Variants in L3MBTL4 observed in about 807,000 individuals in gnomAD.
L3MBTL4 encodes lethal(3)malignant brain tumor-like protein 4.
In L3MBTL4, 70 loss-of-function variants were observed where a neutral mutation model predicts 84.5. That is an observed-to-expected ratio of 0.83 (90% CI 0.68 to 1.01). The LOEUF (loss-of-function observed/expected upper bound fraction) is 1.01, where lower values mean the gene tolerates loss of function less well. Ranked by LOEUF, L3MBTL4 falls within the 50% of genes least tolerant of loss-of-function variation. L3MBTL4 has a pLI of 0.00. For missense variants in L3MBTL4, 715 were observed against 754.8 expected, an observed-to-expected ratio of 0.95 and a Z score of 0.62; for synonymous variants, 274 against 259.8, an observed-to-expected ratio of 1.05 and a Z score of -0.52.
intron 5 of L3MBTL4, chr18:6,260,534 C>T (rs950035864): frequency 2.6e-5 from 4 of 152,046 alleles, no homozygotes; most frequent in African/African-American, 9.7e-5. Flanking sequence ...ATATTTTTCT[C>T]TGTGTGTGCC....
chr18:6,145,009 T>G (rs2042587767), intron 13 of L3MBTL4, among the ~76,000 whole-genome samples: 1 of 152,218 alleles, frequency 6.6e-6, no homozygotes, highest in African/African-American at 2.4e-5. Flanking sequence ...CTCTATGGTT[T>G]AATTTTTGTG....
At chr18:6,192,891 A>G (rs1193687943) in intron 12 of L3MBTL4, among the ~76,000 whole-genome samples, 1 of 152,098 alleles carries the variant, frequency 6.6e-6, no homozygotes, top group Non-Finnish European at 1.5e-5. Flanking sequence ...TGATCCAATT[A>G]TATCTATTGT....
At chr18:6,086,059 T>C (rs1166052666) in intron 15 of L3MBTL4, among the ~76,000 whole-genome samples, 1 of 152,250 alleles carries the variant, frequency 6.6e-6, no homozygotes, top group African/African-American at 2.4e-5. Flanking sequence ...GTTTTTATTT[T>C]CTTCTTTCTA....
At chr18:6,252,141 G>A (rs933649455) in intron 5 of L3MBTL4, among the ~76,000 whole-genome samples, 3 of 152,056 alleles carry the variant, frequency 2.0e-5, no homozygotes, top group South Asian at 2.1e-4. Context: ...GCTAAACCCC[G>A]TCTCTACTAA....
At position 6,173,259 on chromosome 18, in the gene L3MBTL4, C is replaced by T. The variant is rs148778821; in HGVS notation, c.982-1317G>A. ...ACTGGACATATGCAGGGAATATTTT[C>T]GGACATCGGACAATAGGCAGCACAG... On this transcript the variant is annotated intron_variant, in intron 12 of 18. Coordinates refer to ENST00000317931, the MANE Select transcript of L3MBTL4 (RefSeq NM_001330559.2). Among the ~76,000 whole-genome samples the T allele has an allele frequency of 3.5e-4, 54 of 152,222 alleles. 1 individual carries two copies. Among genetic ancestry groups the T allele is most frequent in the African/African-American group, 1.2e-3 (50 of 41,536 alleles).
In L3MBTL4 at chr18:6,369,693, C is replaced by A. The variant is rs78917622; in HGVS notation, c.-91+45108G>T. Among the ~76,000 whole-genome samples the A allele has an allele frequency of 7.3e-3, 1,111 of 152,224 alleles. 21 individuals are homozygous for A. The highest frequency in any genetic ancestry group is 0.026 in the African/African-American group (1,061 of 41,526). On this transcript the variant is annotated intron_variant, in intron 1 of 18. Transcript: ENST00000317931. ...GGATTTGGTTGGAAAGGGGGATATG[C>A]AACAGACCTGGGATGACATTCACAG...
chr18:6,360,960 G>A (rs1290424274), intron 1 of L3MBTL4, among the ~76,000 whole-genome samples: 1 of 150,954 alleles, frequency 6.6e-6, no homozygotes, highest in Non-Finnish European at 1.5e-5. Flanking sequence ...CAAGGCTGCA[G>A]TGAGCTGTGA....
chr18:6,124,419 T>C (rs2059622457), intron 14 of L3MBTL4, among the ~76,000 whole-genome samples: 2 of 148,222 alleles, frequency 1.3e-5, no homozygotes, highest in South Asian at 2.1e-4. Context: ...TTAAATTATA[T>C]ATACAGTTAT....
At chr18:5,996,940 G>A (rs1598394104) in intron 16 of L3MBTL4, among the ~76,000 whole-genome samples, 2 of 152,018 alleles carry the variant, frequency 1.3e-5, no homozygotes, top group South Asian at 4.2e-4. Context: ...GTTCATTTGG[G>A]GATTTAAAAG....
chr18:6,220,730 A>G (rs2046516593), intron 10 of L3MBTL4, among the ~76,000 whole-genome samples: 1 of 152,202 alleles, frequency 6.6e-6, no homozygotes. Context: ...TTTGGTAAAT[A>G]TTTGTTGAAT....
intron 16 of L3MBTL4, among the ~76,000 whole-genome samples, chr18:6,074,218 G>A (rs2057785314): frequency 6.6e-6 from 1 of 152,160 alleles, no homozygotes; most frequent in Non-Finnish European, 1.5e-5. Context: ...AATGGAGGTA[G>A]GGTCAGCATT....
intron 11 of L3MBTL4, among the ~76,000 whole-genome samples, chr18:6,214,425 T>C (rs921930484): frequency 5.9e-5 from 9 of 152,216 alleles, no homozygotes; most frequent in Admixed American, 4.6e-4. Flanking sequence ...ATAGTTTCTA[T>C]AGGTTGGCAA....
intron 12 of L3MBTL4, among the ~76,000 whole-genome samples, chr18:6,180,438 C>T (rs1441543588): frequency 6.6e-6 from 1 of 152,018 alleles, no homozygotes; most frequent in Non-Finnish European, 1.5e-5. Context: ...TTGTTCCTTA[C>T]CACTGCTTCC....
chr18:6,243,713 T>G (rs566835844), intron 6 of L3MBTL4, among the ~76,000 whole-genome samples: 1 of 152,320 alleles, frequency 6.6e-6, no homozygotes, highest in Non-Finnish European at 1.5e-5. Context: ...AATTAACTGG[T>G]TTATTTATTA....
chr18:6,153,549 C>A (rs1243331238), intron 13 of L3MBTL4, among the ~76,000 whole-genome samples: 2 of 151,924 alleles, frequency 1.3e-5, no homozygotes, highest in African/African-American at 2.4e-5. Context: ...GATTTTGTAT[C>A]CTGCAACTTT....
At chr18:6,003,870 A>G (rs1168977410) in intron 16 of L3MBTL4, among the ~76,000 whole-genome samples, 1 of 152,156 alleles carries the variant, frequency 6.6e-6, no homozygotes, top group Non-Finnish European at 1.5e-5. Context: ...GTGATGAAGC[A>G]TAAACAATGA....
At chr18:6,202,808 G>A (rs2045704133) in intron 12 of L3MBTL4, among the ~76,000 whole-genome samples, 1 of 152,150 alleles carries the variant, frequency 6.6e-6, no homozygotes, top group South Asian at 2.1e-4. Context: ...TTCAGTCCAG[G>A]AAAAATTAAC....
intron 4 of L3MBTL4, among the ~76,000 whole-genome samples, chr18:6,269,199 A>G (rs544598698): frequency 6.6e-6 from 1 of 152,342 alleles, no homozygotes; most frequent in African/African-American, 2.4e-5. Flanking sequence ...GCGGTGGCTC[A>G]CGCCTGTAAT....
chr18:6,225,699 G>T (rs1265401548), intron 10 of L3MBTL4, among the ~76,000 whole-genome samples: 1 of 149,948 alleles, frequency 6.7e-6, no homozygotes, highest in East Asian at 2.0e-4. Context: ...GGCAGAAATT[G>T]CAGTGAGCCA....
Sources: gnomAD v4.1 joint callset for allele counts (sites outside exome capture counted in the v4.1 genomes callset) on GRCh38, gnomAD v4.1.1 for gene constraint, MANE v1.5 for transcripts, NCBI Gene and HGNC (gene_info 2026-07-23, HGNC 2026-07-21) for gene names.